The following ZNF430 variants were observed in gnomAD, a reference collection of about 807,000 sequenced individuals.
ZNF430 encodes zinc finger protein 430.
In ZNF430, 35 loss-of-function variants were observed where a neutral mutation model predicts 56.7. That is an observed-to-expected ratio of 0.62 (90% CI 0.47 to 0.82). ZNF430 has a LOEUF of 0.82. Ranked by LOEUF, ZNF430 falls within the 40% of genes least tolerant of loss-of-function variation. The probability of loss-of-function intolerance (pLI) is 0.00; values close to 1 mark genes in which losing one functional copy is unlikely to be tolerated. For missense variants in ZNF430, 574 were observed against 661.0 expected (o/e 0.87, Z 1.44); for synonymous variants, 212 against 224.3 (o/e 0.94, Z 0.49).
In ZNF430 at chr19:21,057,479, CATAAG is replaced by C; in HGVS notation, c.1176_1180del (p.Lys392AsnfsTer11). ...TTACCGATTCTCATACCTTACTAAA[CATAAG>C]ATAATTCATACTGGAGAGAAATTCT... is the stretch of plus-strand genomic sequence containing the variant. On this transcript the variant is annotated frameshift_variant, in exon 5 of 5. Coordinates refer to ENST00000261560, the MANE Select transcript of ZNF430 (RefSeq NM_025189.4). LOFTEE classifies it high-confidence loss of function. 1 of 1,613,698 alleles carries C rather than the reference CATAAG, an allele frequency of 6.2e-7. No homozygotes were observed.
In ZNF430 at chr19:21,057,667, A is replaced by T; in HGVS notation, c.1359A>T (p.Gly453=). ...CTGCACATAAGATAATTCATACTGG[A>T]GAGAAACCCTACAAATGTGAAGAAT... ...NLTAHKIIHT[G]EKPYKCEECG... Residue 453 remains glycine (G), a synonymous_variant, in exon 5 of 5, where the codon GGA becomes GGT. Coordinates refer to ENST00000261560, the MANE Select transcript of ZNF430 (RefSeq NM_025189.4). 1.9e-6 allele frequency: 3 copies of T among 1,611,706 alleles called. No individual in the cohort carries two copies. The highest frequency in any genetic ancestry group is 2.5e-6 in the Non-Finnish European group (3 of 1,179,130).
intron 4 of ZNF430, among the ~76,000 whole-genome samples, chr19:21,053,108 G>A (rs1008374978): frequency 1.3e-5 from 2 of 152,032 alleles, no homozygotes; most frequent in Non-Finnish European, 2.9e-5. Context: ...CATTTGATTT[G>A]TGGCCCTAGT....
At chr19:21,049,838 A>T (rs1032566814) in intron 4 of ZNF430, among the ~76,000 whole-genome samples, 3 of 152,064 alleles carry the variant, frequency 2.0e-5, no homozygotes, top group African/African-American at 7.2e-5. Flanking sequence ...ATTATTGGTT[A>T]GAATTTTTTA....
At chr19:21,045,924 T>C (rs763224141) in intron 4 of ZNF430, among the ~76,000 whole-genome samples, 2 of 152,206 alleles carry the variant, frequency 1.3e-5, no homozygotes, top group Non-Finnish European at 2.9e-5. Flanking sequence ...TGTGTGTGTC[T>C]TTGCATGTGA....
chr19:21,037,531 A>ACTAG (rs1968025927), intron 4 of ZNF430, among the ~76,000 whole-genome samples: 1 of 152,212 alleles, frequency 6.6e-6, no homozygotes, highest in South Asian at 2.1e-4. Flanking sequence ...TTTTGTGAAT[A>ACTAG]CTAGTACAAT....
intron 3 of ZNF430, 52 bp from the exon 4 acceptor site, chr19:21,034,034 G>T: frequency 7.1e-7 from 1 of 1,415,272 alleles, no homozygotes; most frequent in Non-Finnish European, 1.0e-6. Context: ...ACAGTACTAG[G>T]TTGGTAACTG....
At position 21,021,823 on chromosome 19, in the gene ZNF430, A is replaced by ATTTTTTTT. The variant is rs71174785; in HGVS notation, c.4-943_4-936dup. ...TTTCAAAACGATGCGCCTGAGTTAG[A>ATTTTTTTT]TTTTTTTTTTTTTTTTTTTTTTTTT... On this transcript the variant is annotated intron_variant, in intron 1 of 4. Coordinates refer to ENST00000261560, the MANE Select transcript of ZNF430 (RefSeq NM_025189.4). Among the ~76,000 whole-genome samples the ATTTTTTTT allele has an allele frequency of 4.0e-4, 34 of 85,702 alleles. 4 individuals carry two copies. The highest frequency in any genetic ancestry group is 1.7e-3 in the African/African-American group (32 of 18,812). 56.2% of individuals were successfully genotyped at this position (85,702 alleles called of 152,430 possible). A position where few individuals can be genotyped will look rare whatever the true frequency, so the allele number is the denominator to read the frequency against.
Position 21,058,806 on chromosome 19 carries a change from A to G in ZNF430, c.*785A>G, listed in dbSNP as rs1184425207. The G allele has an allele frequency of 6.6e-6, 1 of 152,294 alleles. No homozygotes were observed. The highest frequency in any genetic ancestry group is 1.9e-4 in the East Asian group (1 of 5,204). The allele number at this position is 152,294 out of a possible 1,614,324, so 9.4% of individuals were successfully genotyped here. On this transcript the variant is annotated 3_prime_UTR_variant, in exon 5 of 5. Coordinates refer to ENST00000261560, the MANE Select transcript of ZNF430 (RefSeq NM_025189.4). ...TACCACTGGAGAGTTCATACTTAAT[A>G]AAAGGAATATAAGTGCAATTACTGT...
chr19:21,053,920 T>G (rs1968326939), intron 4 of ZNF430, among the ~76,000 whole-genome samples: 1 of 152,152 alleles, frequency 6.6e-6, no homozygotes, highest in East Asian at 1.9e-4. Flanking sequence ...TGTTTGTGTA[T>G]CTATACAAAT....
chr19:21,031,290 T>C (rs188609639), intron 2 of ZNF430, among the ~76,000 whole-genome samples: 135 of 152,300 alleles, frequency 8.9e-4, no homozygotes, highest in Admixed American at 1.7e-3. Context: ...GTTGTTTTAA[T>C]GAAGTGCCTC....
Position 21,045,847 on chromosome 19 carries a change from T to G in ZNF430, c.323-10784T>G, listed in dbSNP as rs375466604. On this transcript the variant is annotated intron_variant, in intron 4 of 4. Coordinates refer to ENST00000261560, the MANE Select transcript of ZNF430 (RefSeq NM_025189.4). ...AGTCTATTTTGTCAGAAACTACAAT[T>G]GCAACTCCTCCTTTTTTCTTCTTTT... 1.1e-4 allele frequency among the ~76,000 whole-genome samples: 16 copies of G among 152,360 alleles called. No individual in the cohort carries two copies. In the East Asian group the frequency reaches 3.1e-3, roughly 29 times the overall value.
chr19:21,058,312 T>C lies in ZNF430; in HGVS notation c.*291T>C. On this transcript the variant is annotated 3_prime_UTR_variant, in exon 5 of 5. Transcript: ENST00000261560. ...ATACAAAATTAGCCATGCGTAGTGG[T>C]GCATGCCTGTAATCCCAGCTACTCG... 3.4e-6 allele frequency: 1 copy of C among 295,056 alleles called. No homozygotes were observed. The highest frequency in any genetic ancestry group is 4.8e-5 in the South Asian group (1 of 20,628). The allele number at this position is 295,056 out of a possible 1,614,324, so 18.3% of individuals were successfully genotyped here.
intron 4 of ZNF430, among the ~76,000 whole-genome samples, chr19:21,037,674 C>T (rs1482900398): frequency 2.0e-5 from 3 of 152,020 alleles, no homozygotes; most frequent in Non-Finnish European, 2.9e-5. Context: ...AAAATAATGA[C>T]TGCATCTTTG....
intron 2 of ZNF430, among the ~76,000 whole-genome samples, chr19:21,031,816 A>G (rs1187909473): frequency 6.6e-6 from 1 of 152,200 alleles, no homozygotes; most frequent in Non-Finnish European, 1.5e-5. Context: ...CCATGTGTTT[A>G]GTACTTGCAA....
chr19:21,057,220 T>C lies in ZNF430; in HGVS notation c.912T>C (p.Leu304=), dbSNP rs753402962. The change falls in exon 5 of 5, where the codon CTT becomes CTC. Residue 304 remains leucine (L), a synonymous_variant. Transcript: ENST00000261560. The stretch of plus-strand genomic sequence containing the variant: ...AAACCTTTAACCGGTCCTCACACCT[T>C]ACTACACATAAAAGAATTCATACTG... ...CGKTFNRSSH[L]TTHKRIHTGE... 6.2e-7 allele frequency: 1 copy of C among 1,613,524 alleles called. No individual in the cohort carries two copies. Among genetic ancestry groups the C allele is most frequent in the Admixed American group, 1.7e-5 (1 of 59,972 alleles).
At chr19:21,023,004 A>G (rs1967725254) in intron 2 of ZNF430, 123 bp downstream of exon 2, 6 of 721,272 alleles carry the variant, frequency 8.3e-6, no homozygotes, top group Non-Finnish European at 1.2e-5. Context: ...TTGCCTCTGG[A>G]TTGTCTAAGG....
chr19:21,045,667 G>T (rs1298012852), intron 4 of ZNF430, among the ~76,000 whole-genome samples: 1 of 152,170 alleles, frequency 6.6e-6, no homozygotes, highest in Non-Finnish European at 1.5e-5. Flanking sequence ...TGGCAGTAGG[G>T]TGTTAAAGTC....
intron 4 of ZNF430, among the ~76,000 whole-genome samples, chr19:21,038,883 C>A (rs1968050375): frequency 6.6e-6 from 1 of 152,124 alleles, no homozygotes; most frequent in Admixed American, 6.5e-5. Flanking sequence ...AATTTGTTCA[C>A]CACTGTAGGT....
chr19:21,051,374 C>G (rs62122606), intron 4 of ZNF430, among the ~76,000 whole-genome samples: 20 of 152,186 alleles, frequency 1.3e-4, no homozygotes, highest in Non-Finnish European at 2.8e-4. Context: ...AATTTGGTGA[C>G]AGAAATTTGC....
Sources: gnomAD v4.1 joint callset for allele counts (sites outside exome capture counted in the v4.1 genomes callset) on GRCh38, gnomAD v4.1.1 for gene constraint, MANE v1.5 for transcripts, NCBI Gene and HGNC (gene_info 2026-07-23, HGNC 2026-07-21) for gene names.